The following PPP1R14C variants were observed in gnomAD, a reference collection of about 807,000 sequenced individuals.
The protein encoded by PPP1R14C is protein phosphatase 1 regulatory subunit 14C.
Under a neutral mutation model 20.4 loss-of-function variants are expected in PPP1R14C, and 16 were observed. The ratio of observed to expected loss-of-function variants is 0.78; its 90% CI spans 0.53 to 1.19. The LOEUF (loss-of-function observed/expected upper bound fraction) is 1.19, where lower values mean the gene tolerates loss of function less well. Among genes scored for constraint, PPP1R14C ranks in the 50% most tolerant of loss-of-function variants. PPP1R14C has a pLI of 0.00. For missense variants in PPP1R14C, 211 were observed against 220.1 expected (o/e 0.96, Z 0.26); for synonymous variants, 91 against 91.0 (o/e 1.00, Z 0.00).
chr6:150,191,248 T>C (rs1000869806), intron 1 of PPP1R14C, among the ~76,000 whole-genome samples: 4 of 152,228 alleles, frequency 2.6e-5, no homozygotes, highest in African/African-American at 9.6e-5. Flanking sequence ...TCCTGGCTCC[T>C]TTTCCTGCGT....
rs767499641 is a variant in PPP1R14C at position 150,212,134 on chromosome 6, C to T, written c.307-2610C>T. 2.8e-4 allele frequency among the ~76,000 whole-genome samples: 42 copies of T among 152,270 alleles called. No homozygotes were observed. In the Middle Eastern group the frequency reaches 0.017, roughly 62 times the overall value. Reference sequence around the variant, plus strand: ...GCTTCCCAACTTCTGGGCCAGAGGGCGAGTGTACTCTGGGGTAGCACTGTC... The same window carrying T: ...GCTTCCCAACTTCTGGGCCAGAGGGTGAGTGTACTCTGGGGTAGCACTGTC... On this transcript the variant is annotated intron_variant, in intron 1 of 3. Transcript: ENST00000361131.
intron 3 of PPP1R14C, among the ~76,000 whole-genome samples, chr6:150,217,139 A>G (rs757905821): frequency 5.9e-5 from 9 of 152,004 alleles, no homozygotes; most frequent in Non-Finnish European, 1.0e-4. Context: ...GAATCATTTT[A>G]GTAAAAGTTT....
chr6:150,205,806 AT>A (rs1438218400), intron 1 of PPP1R14C, among the ~76,000 whole-genome samples: 18 of 150,990 alleles, frequency 1.2e-4, no homozygotes, highest in Non-Finnish European at 1.8e-4. Context: ...AAAAAAAAAA[AT>A]AATGGAAATA....
chr6:150,153,342 T>A (rs1265393829), intron 1 of PPP1R14C, among the ~76,000 whole-genome samples: 1 of 152,244 alleles, frequency 6.6e-6, no homozygotes, highest in Admixed American at 6.5e-5. Flanking sequence ...AAATTATAAC[T>A]ATGGAGTCCT....
At chr6:150,165,329 C>T (rs2114863192) in intron 1 of PPP1R14C, among the ~76,000 whole-genome samples, 1 of 152,318 alleles carries the variant, frequency 6.6e-6, no homozygotes, top group East Asian at 1.9e-4. Flanking sequence ...AATATCTGGG[C>T]TCCCAGTCCA....
chr6:150,249,224 TCAGC>T lies in PPP1R14C; in HGVS notation c.*405_*408del, dbSNP rs1266602476. 1 of 399,528 alleles carries T rather than the reference TCAGC, an allele frequency of 2.5e-6. No individual in the cohort carries two copies. The highest frequency in any genetic ancestry group is 4.4e-6 in the Non-Finnish European group (1 of 226,938). The allele number at this position is 399,528 out of a possible 1,614,324, so 24.7% of individuals were successfully genotyped here. ...TTTTTTCTTAAGTTGTACATTTGAC[TCAGC>T]TGTCAAATTTCTCACACTTGTATAT... is the stretch of plus-strand genomic sequence containing the variant. On this transcript the variant is annotated 3_prime_UTR_variant, in exon 4 of 4. Coordinates refer to ENST00000361131, the MANE Select transcript of PPP1R14C (RefSeq NM_030949.3).
intron 1 of PPP1R14C, among the ~76,000 whole-genome samples, chr6:150,211,260 T>C (rs114540190): frequency 0.024 from 3,631 of 152,330 alleles, 158 homozygotes; most frequent in African/African-American, 0.083. Context: ...CACAGTGCCT[T>C]GCACTCTGCG....
chr6:150,197,260 G>A (rs1001025413), intron 1 of PPP1R14C, among the ~76,000 whole-genome samples: 1 of 152,144 alleles, frequency 6.6e-6, no homozygotes, highest in Non-Finnish European at 1.5e-5. Context: ...CTCTGCTCCC[G>A]CCTGCGGCAC....
chr6:150,226,009 T>A (rs552250627), intron 3 of PPP1R14C, among the ~76,000 whole-genome samples: 1 of 152,368 alleles, frequency 6.6e-6, no homozygotes, highest in East Asian at 1.9e-4. Context: ...TTCTGTCATA[T>A]ACTTTGGGTC....
intron 3 of PPP1R14C, among the ~76,000 whole-genome samples, chr6:150,234,988 A>G (rs1447087122): frequency 6.6e-6 from 1 of 152,202 alleles, no homozygotes; most frequent in Non-Finnish European, 1.5e-5. Flanking sequence ...TTTCATTTAC[A>G]TAAAATGCAA....
intron 1 of PPP1R14C, among the ~76,000 whole-genome samples, chr6:150,157,286 G>A (rs1777316208): frequency 6.6e-6 from 1 of 152,188 alleles, no homozygotes; most frequent in South Asian, 2.1e-4. Flanking sequence ...GAGGGGTGGA[G>A]TGGGTGTGGA....
intron 1 of PPP1R14C, among the ~76,000 whole-genome samples, chr6:150,200,746 C>T (rs1777866895): frequency 6.6e-6 from 1 of 152,178 alleles, no homozygotes; most frequent in Non-Finnish European, 1.5e-5. Flanking sequence ...TAGTTACTCC[C>T]AAACTTGCTT....
intron 3 of PPP1R14C, among the ~76,000 whole-genome samples, chr6:150,224,960 T>C (rs142923055): frequency 1.0e-3 from 153 of 152,038 alleles, no homozygotes; most frequent in Middle Eastern, 3.4e-3. Context: ...GCCTGTGTCC[T>C]TGAACTGTGA....
At chr6:150,225,103 G>T (rs554582391) in intron 3 of PPP1R14C, among the ~76,000 whole-genome samples, 5 of 151,976 alleles carry the variant, frequency 3.3e-5, no homozygotes, top group African/African-American at 1.2e-4. Context: ...TTAGGCTCTG[G>T]TTAGTTTCTC....
chr6:150,208,302 G>A (rs1304916204), intron 1 of PPP1R14C, among the ~76,000 whole-genome samples: 1 of 152,092 alleles, frequency 6.6e-6, no homozygotes, highest in Non-Finnish European at 1.5e-5. Flanking sequence ...TGTTGCTATA[G>A]GGAAACCCAC....
intron 1 of PPP1R14C, among the ~76,000 whole-genome samples, chr6:150,163,631 CTGTT>C (rs1777394662): frequency 6.6e-6 from 1 of 152,022 alleles, no homozygotes; most frequent in South Asian, 2.1e-4. Flanking sequence ...GCTTTTATGT[CTGTT>C]TTTTTGTTGT....
chr6:150,178,369 C>T (rs1033940719), intron 1 of PPP1R14C, among the ~76,000 whole-genome samples: 1 of 152,202 alleles, frequency 6.6e-6, no homozygotes, highest in Middle Eastern at 3.2e-3. Context: ...TGGACGCTGG[C>T]TCTGTGGGCC....
intron 1 of PPP1R14C, among the ~76,000 whole-genome samples, chr6:150,163,797 C>A (rs1032267278): frequency 6.6e-6 from 1 of 152,102 alleles, no homozygotes; most frequent in South Asian, 2.1e-4. Context: ...ATTTGGGAGG[C>A]CTTCAGTTTT....
At chr6:150,178,464 G>A (rs977234291) in intron 1 of PPP1R14C, among the ~76,000 whole-genome samples, 1 of 152,190 alleles carries the variant, frequency 6.6e-6, no homozygotes, top group African/African-American at 2.4e-5. Flanking sequence ...GTGAGGTTGT[G>A]TCCCTCTCCT....
Sources: gnomAD v4.1 joint callset for allele counts (sites outside exome capture counted in the v4.1 genomes callset) on GRCh38, gnomAD v4.1.1 for gene constraint, MANE v1.5 for transcripts, NCBI Gene and HGNC (gene_info 2026-07-23, HGNC 2026-07-21) for gene names.